The following SLC29A4 variants were observed in gnomAD, a reference collection of about 807,000 sequenced individuals.
The protein encoded by SLC29A4 is solute carrier family 29 member 4.
A neutral mutation model predicts 43.9 loss-of-function variants in SLC29A4; 36 were observed. That is an observed-to-expected ratio of 0.82 (90% confidence interval 0.63 to 1.08). SLC29A4 has a LOEUF of 1.08. SLC29A4 is among the 50% of genes least tolerant of loss of function. SLC29A4 has a pLI of 0.00. For missense variants in SLC29A4, 869 were observed against 755.3 expected (o/e 1.15, Z -1.77); for synonymous variants, 491 against 338.0 (o/e 1.45, Z -4.97).
Position 5,287,742 on chromosome 7 carries a change from C to T in SLC29A4, c.-8-67C>T, listed in dbSNP as rs546793832. On this transcript the variant is annotated intron_variant, in intron 1 of 10. Transcript: ENST00000396872. ...CACTCCAGGTAGAAGCTTTATGGGT[C>T]AGTGCATGAGCCATGGATCCCTCAG... The T allele has an allele frequency of 4.5e-5, 66 of 1,480,936 alleles. No homozygotes were observed. The African/African-American group carries it at 6.7e-4, about 15-fold the overall frequency. 91.7% of individuals were successfully genotyped at this position (1,480,936 alleles called of 1,614,324 possible). A position where few individuals can be genotyped will look rare whatever the true frequency, so the allele number is the denominator to read the frequency against.
In SLC29A4 at chr7:5,290,784, G is replaced by A; in HGVS notation, c.222G>A (p.Met74Ile). ...GTTATCACGCCATCTACTTTGCGATGCTGCTGGCTGGCGTGGGCTTCCTGC... is the reference window on the plus strand; with the variant it reads ...GTTATCACGCCATCTACTTTGCGATACTGCTGGCTGGCGTGGGCTTCCTGC... ...DDRYHAIYFAMLLAGVGFLLP... is the reference protein window; with the variant it reads ...DDRYHAIYFAILLAGVGFLLP... The change falls in exon 3 of 11, where the codon ATG becomes ATA. Residue 74 changes from methionine to isoleucine, a missense_variant. By Grantham distance (10) the Met-to-Ile change is conservative. Coordinates refer to ENST00000396872, the MANE Select transcript of SLC29A4 (RefSeq NM_153247.4). 2.5e-6 allele frequency: 4 copies of A among 1,614,070 alleles called. No homozygotes were observed. In the South Asian group the frequency reaches 4.4e-5, roughly 18 times the overall value.
At chr7:5,284,842 AC>A (rs1351350328) in intron 1 of SLC29A4, among the ~76,000 whole-genome samples, 1 of 152,210 alleles carries the variant, frequency 6.6e-6, no homozygotes, top group Non-Finnish European at 1.5e-5. Context: ...GATGCCAAGC[AC>A]GTCCGCCTTC....
intron 2 of SLC29A4, among the ~76,000 whole-genome samples, chr7:5,289,967 C>T (rs1416210221): frequency 1.3e-5 from 2 of 152,052 alleles, no homozygotes; most frequent in Non-Finnish European, 2.9e-5. Flanking sequence ...CTCACTGCAA[C>T]CTCCACCTCC....
intron 2 of SLC29A4, among the ~76,000 whole-genome samples, chr7:5,290,217 C>G (rs1583654853): frequency 6.6e-6 from 1 of 152,256 alleles, no homozygotes; most frequent in East Asian, 1.9e-4. Context: ...CCATGCCTGG[C>G]TAATTTTTTG....
At chr7:5,286,084 G>A (rs182045711) in intron 1 of SLC29A4, among the ~76,000 whole-genome samples, 1 of 152,260 alleles carries the variant, frequency 6.6e-6, no homozygotes, top group African/African-American at 2.4e-5. Context: ...GCTTCTTCCA[G>A]CCTTTACCAC....
Position 5,299,044 on chromosome 7 carries a change from C to A in SLC29A4, c.939C>A (p.His313Gln). The change falls in exon 8 of 11, where the codon CAC (histidine) becomes CAA (glutamine). Residue 313 changes from histidine (H) to glutamine (Q), a missense_variant. By Grantham distance (24) the His-to-Gln change is conservative (BLOSUM62 0). Coordinates refer to ENST00000396872, the MANE Select transcript of SLC29A4 (RefSeq NM_153247.4). Reference protein sequence around the residue: ...PNESPKDSPAHEVTGSGGAYM... With the variant: ...PNESPKDSPAQEVTGSGGAYM... ...AGTCCCCAAAGGACAGCCCAGCCCACGAGGTGACCGGCAGCGGCGGGGCCT... is the reference window on the plus strand; with the variant it reads ...AGTCCCCAAAGGACAGCCCAGCCCAAGAGGTGACCGGCAGCGGCGGGGCCT... The A allele has an allele frequency of 6.2e-7, 1 of 1,612,222 alleles. No homozygotes were observed. The highest frequency in any genetic ancestry group is 8.5e-7 in the Non-Finnish European group (1 of 1,179,898).
In SLC29A4 at chr7:5,290,762, A is replaced by T; in HGVS notation, c.200A>T (p.Tyr67Phe). 1 of 1,613,534 alleles carries T rather than the reference A, an allele frequency of 6.2e-7. No homozygotes were observed. Among genetic ancestry groups the T allele is most frequent in the Non-Finnish European group, 8.5e-7 (1 of 1,179,586 alleles). The part of the protein sequence containing the change: ...TLDEPVPDDR[Y>F]HAIYFAMLLA... ...GACGAGCCAGTGCCCGATGACCGTTATCACGCCATCTACTTTGCGATGCTG... is the reference window on the plus strand; with the variant it reads ...GACGAGCCAGTGCCCGATGACCGTTTTCACGCCATCTACTTTGCGATGCTG... Residue 67 changes from tyrosine to phenylalanine, a missense_variant, in exon 3 of 11, where the codon TAT becomes TTT. By Grantham distance (22) the Tyr-to-Phe change is conservative. Coordinates refer to ENST00000396872, the MANE Select transcript of SLC29A4 (RefSeq NM_153247.4).
chr7:5,292,988 C>G (rs1044870028), intron 5 of SLC29A4, among the ~76,000 whole-genome samples: 4 of 149,070 alleles, frequency 2.7e-5, no homozygotes, highest in African/African-American at 4.9e-5. Flanking sequence ...CGTGAGCCAC[C>G]GCACCCCGCC....
In SLC29A4 at chr7:5,303,168, G is replaced by A. The variant is rs950683696; in HGVS notation, c.*229G>A. ...GACCCGGGGCTCTGGCCAGCACTGTGTTCTGCGTTTGGTCTCATACCTGCG... is the reference window on the plus strand; with the variant it reads ...GACCCGGGGCTCTGGCCAGCACTGTATTCTGCGTTTGGTCTCATACCTGCG... On this transcript the variant is annotated 3_prime_UTR_variant, in exon 11 of 11. Transcript: ENST00000396872. The A allele has an allele frequency of 6.6e-6, 4 of 601,552 alleles. No homozygotes were observed. In the African/African-American group the frequency reaches 7.4e-5, roughly 11 times the overall value. The allele number at this position is 601,552 out of a possible 1,614,324, so 37.3% of individuals were successfully genotyped here. A position where few individuals can be genotyped will look rare whatever the true frequency, so the allele number is the denominator to read the frequency against.
Position 5,303,323 on chromosome 7 carries a change from G to A in SLC29A4, c.*384G>A, listed in dbSNP as rs569978694. On this transcript the variant is annotated 3_prime_UTR_variant, in exon 11 of 11. Coordinates refer to ENST00000396872, the MANE Select transcript of SLC29A4 (RefSeq NM_153247.4). ...TGTGCGCGCCCAGTGACTGCACCCCGGCCCTCATCACCCACCGGCACTGAT... is the reference window on the plus strand; with the variant it reads ...TGTGCGCGCCCAGTGACTGCACCCCAGCCCTCATCACCCACCGGCACTGAT... The A allele has an allele frequency of 1.0e-3, 294 of 291,368 alleles. No individual in the cohort carries two copies. The highest frequency in any genetic ancestry group is 2.2e-3 in the Admixed American group (42 of 19,228). The allele number at this position is 291,368 out of a possible 1,614,324, so 18.0% of individuals were successfully genotyped here.
At chr7:5,301,523 C>T (rs1236202553) in intron 10 of SLC29A4, among the ~76,000 whole-genome samples, 5 of 152,126 alleles carry the variant, frequency 3.3e-5, no homozygotes, top group African/African-American at 9.7e-5. Flanking sequence ...TGCAAAGATC[C>T]TGCGGCACTG....
At chr7:5,286,449 G>T (rs1043348713) in intron 1 of SLC29A4, among the ~76,000 whole-genome samples, 2 of 151,674 alleles carry the variant, frequency 1.3e-5, no homozygotes, top group African/African-American at 4.9e-5. Flanking sequence ...CTGGAACCCA[G>T]GAGACGGAGG....
In SLC29A4 at chr7:5,300,401, C is replaced by T. The variant is rs1786056775; in HGVS notation, c.1210-21C>T. ...GGGGCTGTGGCCGGGACAGGGCGCC[C>T]ACTTGCCTGGCTCTCTGCAGATCCT... On this transcript the variant is annotated intron_variant, in intron 9 of 10. Coordinates refer to ENST00000396872, the MANE Select transcript of SLC29A4 (RefSeq NM_153247.4). 6 of 1,610,420 alleles carry T rather than the reference C, an allele frequency of 3.7e-6. No homozygotes were observed. The African/African-American group carries it at 4.0e-5, about 11-fold the overall frequency.
intron 1 of SLC29A4, among the ~76,000 whole-genome samples, chr7:5,284,378 G>A (rs770162195): frequency 7.2e-5 from 11 of 152,172 alleles, no homozygotes; most frequent in Non-Finnish European, 1.3e-4. Flanking sequence ...TGTTTGTGAC[G>A]TACTCTCACC....
intron 7 of SLC29A4, among the ~76,000 whole-genome samples, chr7:5,298,426 T>G (rs1403204646): frequency 6.6e-6 from 1 of 152,092 alleles, no homozygotes; most frequent in African/African-American, 2.4e-5. Flanking sequence ...GGGGACCAGA[T>G]GCTCTGGTTG....
Position 5,294,905 on chromosome 7 carries a change from G to C in SLC29A4, c.590G>C (p.Arg197Pro). The C allele has an allele frequency of 1.2e-6, 2 of 1,610,916 alleles. No individual in the cohort carries two copies. The highest frequency in any genetic ancestry group is 1.1e-5 in the South Asian group (1 of 90,676). Residue 197 changes from arginine to proline, a missense_variant, in exon 6 of 11, where the codon CGG becomes CCG. Arg to Pro is a moderately radical substitution (Grantham distance 103). Coordinates refer to ENST00000396872, the MANE Select transcript of SLC29A4 (RefSeq NM_153247.4). ...FYGYTGMLPK[R>P]YTQGVMTGES... ...GGGTACACGGGGATGCTGCCCAAGC[G>C]GTACACGCAGGGGGTGATGACCGGG...
rs1274299634 is a variant in SLC29A4 at position 5,306,071 on chromosome 7, ACTC to A, written c.*3135_*3137del. On this transcript the variant is annotated 3_prime_UTR_variant, in exon 11 of 11. Coordinates refer to ENST00000396872, the MANE Select transcript of SLC29A4 (RefSeq NM_153247.4). ...ACCATATTGGCCAGGCTGGTCTTGA[ACTC>A]CTGACCTCAAGTGATCCGCCTCCCT... The A allele has an allele frequency of 7.0e-6, 1 of 142,406 alleles. No individual in the cohort carries two copies. Among genetic ancestry groups the A allele is most frequent in the Non-Finnish European group, 1.5e-5 (1 of 66,026 alleles). 8.8% of individuals were successfully genotyped at this position (142,406 alleles called of 1,614,324 possible).
chr7:5,296,238 C>T (rs1221439473), intron 6 of SLC29A4, among the ~76,000 whole-genome samples: 1 of 152,016 alleles, frequency 6.6e-6, no homozygotes, highest in East Asian at 2.0e-4. Flanking sequence ...TGTTCCATTC[C>T]TTTCTGCCCC....
chr7:5,300,737 T>C, intron 10 of SLC29A4, 75 bp downstream of exon 10: 3 of 1,554,348 alleles, frequency 1.9e-6, no homozygotes, highest in Non-Finnish European at 2.6e-6. Context: ...AAACCCAGGC[T>C]AGACCGCAGG....
Sources: gnomAD v4.1 joint callset for allele counts (sites outside exome capture counted in the v4.1 genomes callset) on GRCh38, gnomAD v4.1.1 for gene constraint, MANE v1.5 for transcripts, NCBI Gene and HGNC (gene_info 2026-07-23, HGNC 2026-07-21) for gene names.